Variants in POLD3 observed in about 807,000 individuals in gnomAD.
The protein encoded by POLD3 is DNA polymerase delta 3, accessory subunit.
POLD3 carries 19 observed loss-of-function variants against 58.2 expected under a neutral mutation model. That is an observed-to-expected ratio of 0.33 (90% CI 0.23 to 0.48). The LOEUF is 0.48. Among genes scored for constraint, POLD3 ranks in the 20% least tolerant of loss-of-function variants. The pLI is 0.99. For missense variants in POLD3, 504 were observed against 545.5 expected, an observed-to-expected ratio of 0.92 and a Z score of 0.76; for synonymous variants, 172 against 193.5, an observed-to-expected ratio of 0.89 and a Z score of 0.92.
chr11:74,612,739 A>G (rs1045819448), intron 4 of POLD3, 139 bp from the exon 5 acceptor site: 2 of 634,784 alleles, frequency 3.2e-6, no homozygotes, highest in African/African-American at 3.7e-5. Flanking sequence ...GTTTCACTGT[A>G]TATGTGGCTG....
At chr11:74,654,361 G>C (rs1295225926) in intron 4 of POLD3, among the ~76,000 whole-genome samples, 2 of 152,068 alleles carry the variant, frequency 1.3e-5, no homozygotes, top group Admixed American at 1.3e-4. Context: ...GACATAATAA[G>C]AGAGTTAATC....
At chr11:74,615,471 T>G (rs2032055096) in intron 5 of POLD3, among the ~76,000 whole-genome samples, 1 of 152,152 alleles carries the variant, frequency 6.6e-6, no homozygotes, top group Non-Finnish European at 1.5e-5. Flanking sequence ...GTGATAGCCT[T>G]GGTAAGAGCA....
At chr11:74,603,459 G>A (rs1049853072) in intron 2 of POLD3, among the ~76,000 whole-genome samples, 1 of 152,154 alleles carries the variant, frequency 6.6e-6, no homozygotes, top group South Asian at 2.1e-4. Context: ...GAAATAAACC[G>A]AGGAAAATAT....
At position 74,621,849 on chromosome 11, in the gene POLD3, T is replaced by TTTTATTTA. The variant is rs60400893; in HGVS notation, c.733+1776_733+1783dup. ...CAAAAATGTAGAAGACCTCATTTCT[T>TTTTATTTA]TTTATTTATTTATTTATTTATTTTA... On this transcript the variant is annotated intron_variant, in intron 7 of 11. Transcript: ENST00000263681. 2.7e-3 allele frequency among the ~76,000 whole-genome samples: 403 copies of TTTTATTTA among 149,486 alleles called. 1 individual carries two copies. Among genetic ancestry groups the TTTTATTTA allele is most frequent in the African/African-American group, 7.3e-3 (302 of 41,114 alleles).
intron 4 of POLD3, among the ~76,000 whole-genome samples, chr11:74,654,087 T>C (rs1414013284): frequency 6.6e-6 from 1 of 151,802 alleles, no homozygotes; most frequent in Non-Finnish European, 1.5e-5. Flanking sequence ...CCATGAGTGA[T>C]CCCCCCAGAT....
In POLD3 at chr11:74,637,927, T is replaced by C. The variant is rs1391544762; in HGVS notation, c.1198+1652T>C. Among the ~76,000 whole-genome samples, 5 of 152,084 alleles carry C rather than the reference T, an allele frequency of 3.3e-5. No individual in the cohort carries two copies. In the South Asian group the frequency reaches 8.3e-4, roughly 25 times the overall value. On this transcript the variant is annotated intron_variant, in intron 11 of 11. Transcript: ENST00000263681. ...TCAGACTGTTCCAAATGTACCAGCA[T>C]AGGGGGCTTGCCCTGTCCTGTGCTG...
At chr11:74,602,309 C>T (rs2031529037) in intron 2 of POLD3, among the ~76,000 whole-genome samples, 1 of 152,132 alleles carries the variant, frequency 6.6e-6, no homozygotes, top group Admixed American at 6.5e-5. Context: ...TTTTCAACAT[C>T]AACAGTGACT....
Position 74,640,876 on chromosome 11 carries a change from A to C in POLD3, c.*110A>C, listed in dbSNP as rs898314912. The C allele has an allele frequency of 7.4e-6, 10 of 1,353,444 alleles. No individual in the cohort carries two copies. The African/African-American group carries it at 1.5e-4, about 20-fold the overall frequency. 83.8% of individuals were successfully genotyped at this position (1,353,444 alleles called of 1,614,324 possible). A position where few individuals can be genotyped will look rare whatever the true frequency, so the allele number is the denominator to read the frequency against. On this transcript the variant is annotated 3_prime_UTR_variant, in exon 12 of 12. Transcript: ENST00000263681. ...TCTAGATCTCCACCTCACCTGTATC[A>C]AAAGACTGTTCTTTCATCCTGTGAG... is the stretch of plus-strand genomic sequence containing the variant.
At chr11:74,593,124 C>A in intron 1 of POLD3, 1 of 714,954 alleles carries the variant, frequency 1.4e-6, no homozygotes, top group Non-Finnish European at 1.8e-6. Context: ...CCTCCAGATA[C>A]TGTTTCCTCT....
chr11:74,645,013 T>C (rs575275360), downstream of POLD3, among the ~76,000 whole-genome samples: 7 of 152,338 alleles, frequency 4.6e-5, no homozygotes, highest in African/African-American at 1.7e-4. Context: ...TAAAATACTT[T>C]GGGGATTGTA....
chr11:74,659,290 G>A (rs1378952036), intron 4 of POLD3, among the ~76,000 whole-genome samples: 2 of 152,166 alleles, frequency 1.3e-5, no homozygotes, highest in Admixed American at 6.5e-5. Flanking sequence ...CACACAGCAC[G>A]GGGACCCTGG....
chr11:74,656,006 A>G lies in POLD3; in HGVS notation c.370-12771A>G, dbSNP rs147982651. Among the ~76,000 whole-genome samples, 142 of 152,370 alleles carry G rather than the reference A, an allele frequency of 9.3e-4. 3 individuals carry two copies. In the East Asian group the frequency reaches 0.024, roughly 26 times the overall value. ...ACGTGACAGGATACGAGGCCAATAT[A>G]CAAGATTCAATCTTTTGTATATCAG... On this transcript the variant is annotated intron_variant, in intron 4 of 4. Transcript: ENST00000524752.
intron 2 of POLD3, among the ~76,000 whole-genome samples, chr11:74,599,753 A>G (rs977812068): frequency 1.3e-5 from 2 of 152,182 alleles, no homozygotes; most frequent in South Asian, 2.1e-4. Context: ...TTTAAACAAG[A>G]TAATTTCAGA....
At chr11:74,615,464 A>G (rs2032054597) in intron 5 of POLD3, among the ~76,000 whole-genome samples, 1 of 152,204 alleles carries the variant, frequency 6.6e-6, no homozygotes, top group Non-Finnish European at 1.5e-5. Flanking sequence ...ACATTTAGTG[A>G]TAGCCTTGGT....
intron 4 of POLD3, among the ~76,000 whole-genome samples, chr11:74,656,689 T>C (rs549074762): frequency 2.8e-4 from 42 of 152,256 alleles, no homozygotes; most frequent in Non-Finnish European, 4.4e-4. Flanking sequence ...CTCTTGTTAA[T>C]GATTTCTAGT....
intron 3 of POLD3, among the ~76,000 whole-genome samples, chr11:74,607,501 T>C (rs1469635948): frequency 6.6e-6 from 1 of 151,452 alleles, no homozygotes. Context: ...CTCCTGACCT[T>C]GTGATCCACC....
intron 4 of POLD3, among the ~76,000 whole-genome samples, chr11:74,657,161 G>A (rs1017770430): frequency 2.0e-5 from 3 of 148,740 alleles, no homozygotes; most frequent in Admixed American, 6.7e-5. Context: ...TTCAGTCTTT[G>A]TGCGTCTTTA....
chr11:74,615,395 TCAA>T (rs1341524823), intron 5 of POLD3, among the ~76,000 whole-genome samples: 1 of 152,122 alleles, frequency 6.6e-6, no homozygotes, highest in Non-Finnish European at 1.5e-5. Context: ...GAGGAACCAG[TCAA>T]CAATGTCAAA....
chr11:74,644,182 G>A (rs1312628910), downstream of POLD3, among the ~76,000 whole-genome samples: 6 of 152,174 alleles, frequency 3.9e-5, no homozygotes, highest in Non-Finnish European at 8.8e-5. Flanking sequence ...GGAGAGGGCT[G>A]AAGAGAAGGG....
Sources: allele counts gnomAD v4.1 joint callset (sites outside exome capture counted in the v4.1 genomes callset), GRCh38; gene constraint gnomAD v4.1.1; transcripts MANE v1.5; gene names NCBI Gene and HGNC (gene_info 2026-07-23, HGNC 2026-07-21).